Variants in EGFR observed in about 807,000 individuals in gnomAD.
The protein encoded by EGFR is avian erythroblastic leukemia viral (v-erb-b) oncogene homolog.
Under a neutral mutation model 143.0 loss-of-function variants are expected in EGFR, and 58 were observed. The observed-to-expected ratio is 0.41, with a 90% CI of 0.33 to 0.50. EGFR has a LOEUF of 0.50. Ranked by LOEUF, EGFR falls within the 20% of genes least tolerant of loss-of-function variation. EGFR has a pLI of 0.39. For synonymous variants in EGFR, 613 were observed against 594.4 expected (o/e 1.03, Z -0.45); for missense variants, 1,307 against 1,579.0 (o/e 0.83, Z 2.92).
intron 1 of EGFR, among the ~76,000 whole-genome samples, chr7:55,094,232 C>T (rs1320568468): frequency 6.6e-6 from 1 of 152,172 alleles, no homozygotes. Context: ...TTGGCTTCAC[C>T]CAGCATCCAG....
chr7:55,054,471 C>T (rs551099177), intron 1 of EGFR, among the ~76,000 whole-genome samples: 6 of 152,310 alleles, frequency 3.9e-5, no homozygotes, highest in African/African-American at 9.6e-5. Flanking sequence ...TTGGCCATGC[C>T]GTGGCAGCAG....
At chr7:55,135,905 AT>A (rs1562746960) in intron 1 of EGFR, among the ~76,000 whole-genome samples, 2 of 152,130 alleles carry the variant, frequency 1.3e-5, no homozygotes, top group South Asian at 2.1e-4. Context: ...TTTTTTACAG[AT>A]TTTTTTAAAT....
chr7:55,108,821 G>A (rs1584057994), intron 1 of EGFR, among the ~76,000 whole-genome samples: 1 of 152,308 alleles, frequency 6.6e-6, no homozygotes, highest in South Asian at 2.1e-4. Flanking sequence ...GGGTGGAAGC[G>A]AAACAGGGCC....
At chr7:55,039,008 T>C (rs1787756863) in intron 1 of EGFR, among the ~76,000 whole-genome samples, 2 of 151,324 alleles carry the variant, frequency 1.3e-5, no homozygotes, top group African/African-American at 4.9e-5. Flanking sequence ...CAGTTAGTAA[T>C]TGCCAGAGGT....
intron 1 of EGFR, among the ~76,000 whole-genome samples, chr7:55,042,386 G>A (rs1488390167): frequency 3.3e-5 from 5 of 152,174 alleles, no homozygotes; most frequent in Non-Finnish European, 7.3e-5. Context: ...ACAAGGCTGG[G>A]AAGACCATAG....
intron 1 of EGFR, among the ~76,000 whole-genome samples, chr7:55,037,601 A>G (rs539366969): frequency 1.1e-3 from 161 of 152,346 alleles, no homozygotes; most frequent in Non-Finnish European, 2.1e-3. Flanking sequence ...AGTAGACAGC[A>G]AGCCTCACAC....
chr7:55,071,130 G>C (rs995416019), intron 1 of EGFR, among the ~76,000 whole-genome samples: 2 of 152,196 alleles, frequency 1.3e-5, no homozygotes, highest in Non-Finnish European at 2.9e-5. Context: ...CTGACACTGA[G>C]CAAGTTTCCA....
intron 4 of EGFR, among the ~76,000 whole-genome samples, chr7:55,149,457 A>G (rs1486598335): frequency 6.6e-6 from 1 of 152,214 alleles, no homozygotes; most frequent in Non-Finnish European, 1.5e-5. Flanking sequence ...GTAGGTCAAA[A>G]TAGAAAAAGA....
At chr7:55,140,512 C>T (rs1185141799) in intron 1 of EGFR, among the ~76,000 whole-genome samples, 1 of 152,190 alleles carries the variant, frequency 6.6e-6, no homozygotes, top group African/African-American at 2.4e-5. Flanking sequence ...ATTGTCACAA[C>T]CTGGTACCTA....
At chr7:55,172,852 C>T (rs1554348133) in intron 16 of EGFR, 131 bp from the exon 17 acceptor site, 3 of 1,596,114 alleles carry the variant, frequency 1.9e-6, no homozygotes, top group Middle Eastern at 1.7e-4. Flanking sequence ...TTAGAAGCTA[C>T]ATAGTGTCTC....
intron 20 of EGFR, among the ~76,000 whole-genome samples, chr7:55,185,367 T>C (rs975611175): frequency 6.6e-6 from 1 of 152,206 alleles, no homozygotes; most frequent in African/African-American, 2.4e-5. Context: ...TTTCATGCAC[T>C]GGGATTAAGT....
chr7:55,079,785 G>A (rs10245472), intron 1 of EGFR, among the ~76,000 whole-genome samples: 32,999 of 151,796 alleles, frequency 0.22, 4,440 homozygotes, highest in African/African-American at 0.37. Flanking sequence ...CCAGTAGTCC[G>A]TGAAAATCCA....
chr7:55,195,451 G>T (rs977488703), intron 22 of EGFR, among the ~76,000 whole-genome samples: 3 of 152,118 alleles, frequency 2.0e-5, no homozygotes, highest in African/African-American at 7.2e-5. Flanking sequence ...AAACATGAGG[G>T]TTTTTATTCT....
intron 19 of EGFR, among the ~76,000 whole-genome samples, chr7:55,178,384 G>C (rs1446905433): frequency 1.3e-5 from 2 of 152,192 alleles, no homozygotes; most frequent in African/African-American, 4.8e-5. Flanking sequence ...TAGGTGTACT[G>C]TGTGTGTGTC....
intron 1 of EGFR, among the ~76,000 whole-genome samples, chr7:55,054,223 CCTGA>C (rs1176191969): frequency 1.3e-5 from 2 of 152,246 alleles, no homozygotes; most frequent in Non-Finnish European, 2.9e-5. Flanking sequence ...CCTCTGATCT[CCTGA>C]CTGTCATGCC....
chr7:55,164,417 C>G (rs1395278453), intron 14 of EGFR, among the ~76,000 whole-genome samples: 1 of 152,174 alleles, frequency 6.6e-6, no homozygotes, highest in Non-Finnish European at 1.5e-5. Flanking sequence ...AATCTACTAA[C>G]TGAAAACATT....
chr7:55,039,081 T>C (rs1787760857), intron 1 of EGFR, among the ~76,000 whole-genome samples: 3 of 152,066 alleles, frequency 2.0e-5, no homozygotes, highest in Admixed American at 6.6e-5. Flanking sequence ...TGCTACTCAA[T>C]TGGAACCCAT....
chr7:55,163,961 T>C, intron 14 of EGFR, 138 bp downstream of exon 14: 1 of 895,450 alleles, frequency 1.1e-6, no homozygotes, highest in Non-Finnish European at 1.8e-6. Flanking sequence ...CGGCAGGCGC[T>C]GACAGCGCTG....
intron 1 of EGFR, among the ~76,000 whole-genome samples, chr7:55,101,219 C>T (rs4947974): frequency 0.29 from 44,303 of 152,154 alleles, 7,753 homozygotes; most frequent in East Asian, 0.69. Flanking sequence ...TTTACGCTTG[C>T]GTCACTGGGC....
Sources: gnomAD v4.1 joint callset for allele counts (sites outside exome capture counted in the v4.1 genomes callset) on GRCh38, gnomAD v4.1.1 for gene constraint, MANE v1.5 for transcripts, NCBI Gene and HGNC (gene_info 2026-07-23, HGNC 2026-07-21) for gene names.